Variants in ADGRL3 observed in about 807,000 individuals in gnomAD.
ADGRL3 encodes adhesion G protein-coupled receptor L3, also known as calcium-independent alpha-latrotoxin receptor 3.
ADGRL3 carries 62 observed loss-of-function variants against 153.5 expected under a neutral mutation model. The ratio of observed to expected loss-of-function variants is 0.40; its 90% CI spans 0.33 to 0.50. ADGRL3 has a LOEUF of 0.50. Among genes scored for constraint, ADGRL3 ranks in the 20% least tolerant of loss-of-function variants. The pLI is 0.47. For missense variants in ADGRL3, 1,641 were observed against 1,859.4 expected (o/e 0.88, Z 2.16); for synonymous variants, 710 against 672.5 (o/e 1.06, Z -0.86).
At chr4:61,949,688 C>G (rs1371094126) in intron 17 of ADGRL3, among the ~76,000 whole-genome samples, 1 of 151,786 alleles carries the variant, frequency 6.6e-6, no homozygotes, top group African/African-American at 2.4e-5. Context: ...GAGCAAGACT[C>G]TGTCTCAAAT....
intron 1 of ADGRL3, among the ~76,000 whole-genome samples, chr4:61,327,156 C>T (rs1560477677): frequency 1.3e-5 from 2 of 151,842 alleles, no homozygotes; most frequent in African/African-American, 4.8e-5. Flanking sequence ...TAAAAGAAGC[C>T]ACTAAGGTGC....
intron 5 of ADGRL3, among the ~76,000 whole-genome samples, chr4:61,659,982 C>T (rs1375312415): frequency 6.7e-6 from 1 of 149,258 alleles, no homozygotes; most frequent in Non-Finnish European, 1.5e-5. Context: ...AGGATATGGA[C>T]TGATTGGATA....
At chr4:61,765,890 A>G (rs974911253) in intron 8 of ADGRL3, among the ~76,000 whole-genome samples, 1 of 152,124 alleles carries the variant, frequency 6.6e-6, no homozygotes, top group Non-Finnish European at 1.5e-5. Context: ...CACTGAGCAG[A>G]ATAGCAGATG....
At chr4:61,898,031 C>T (rs2098641675) in intron 11 of ADGRL3, among the ~76,000 whole-genome samples, 1 of 152,022 alleles carries the variant, frequency 6.6e-6, no homozygotes, top group Non-Finnish European at 1.5e-5. Flanking sequence ...CCCCAGGTGG[C>T]CTTTCAGAAA....
chr4:61,477,085 T>A (rs546266798), intron 2 of ADGRL3, among the ~76,000 whole-genome samples: 20 of 152,240 alleles, frequency 1.3e-4, no homozygotes, highest in African/African-American at 4.3e-4. Flanking sequence ...ATACGTAATT[T>A]AAAAAAAGAT....
At chr4:61,258,032 C>T (rs2092155503) in intron 1 of ADGRL3, among the ~76,000 whole-genome samples, 1 of 152,122 alleles carries the variant, frequency 6.6e-6, no homozygotes, top group Non-Finnish European at 1.5e-5. Context: ...TAGCTACTAC[C>T]AGCCCCCATC....
chr4:61,839,465 G>A (rs1406329017), intron 9 of ADGRL3, among the ~76,000 whole-genome samples: 1 of 151,940 alleles, frequency 6.6e-6, no homozygotes, highest in Non-Finnish European at 1.5e-5. Context: ...CAAAGTGCTA[G>A]AATTTCAGGA....
chr4:61,513,278 A>C (rs1579273488), intron 3 of ADGRL3, among the ~76,000 whole-genome samples: 1 of 152,316 alleles, frequency 6.6e-6, no homozygotes, highest in Non-Finnish European at 1.5e-5. Flanking sequence ...AAAAAATTAT[A>C]AATCAGTATT....
chr4:61,522,846 CG>C (rs2098539070), intron 4 of ADGRL3, among the ~76,000 whole-genome samples: 1 of 152,070 alleles, frequency 6.6e-6, no homozygotes, highest in South Asian at 2.1e-4. Context: ...ATTTACCAGA[CG>C]AACATGCTTG....
chr4:61,685,702 C>A (rs1227024060), intron 6 of ADGRL3, among the ~76,000 whole-genome samples: 4 of 152,016 alleles, frequency 2.6e-5, no homozygotes, highest in Admixed American at 6.6e-5. Context: ...AGCTACTAAC[C>A]AGCAATTAGC....
intron 4 of ADGRL3, among the ~76,000 whole-genome samples, chr4:61,527,476 A>G (rs2098574163): frequency 6.6e-6 from 1 of 152,118 alleles, no homozygotes; most frequent in Admixed American, 6.5e-5. Context: ...TCTTTAATTG[A>G]CATATATACA....
At chr4:61,474,986 T>C (rs1174081811) in intron 2 of ADGRL3, among the ~76,000 whole-genome samples, 1 of 152,158 alleles carries the variant, frequency 6.6e-6, no homozygotes, top group African/African-American at 2.4e-5. Flanking sequence ...AAATGATTAA[T>C]CTCTCACCAA....
Position 61,217,449 on chromosome 4 carries a change from T to G in ADGRL3, c.-240+15684T>G, listed in dbSNP as rs1183649890. Among the ~76,000 whole-genome samples the G allele has an allele frequency of 9.7e-4, 147 of 152,164 alleles. 2 individuals are homozygous for G. Among genetic ancestry groups the G allele is most frequent in the Admixed American group, 9.5e-3 (145 of 15,272 alleles). The stretch of plus-strand genomic sequence containing the variant: ...TTCTGGTGGAGGAGGTTAATAGAGC[T>G]GAGTACAGAGAGGAAAACTGAACAT... On this transcript the variant is annotated intron_variant, in intron 1 of 26. Coordinates refer to ENST00000683033, the MANE Select transcript of ADGRL3 (RefSeq NM_001387552.1).
intron 2 of ADGRL3, among the ~76,000 whole-genome samples, chr4:61,443,716 A>T (rs2097550567): frequency 6.6e-6 from 1 of 152,160 alleles, no homozygotes; most frequent in Non-Finnish European, 1.5e-5. Flanking sequence ...CTCACTGAAA[A>T]ATCACTCATC....
chr4:61,636,168 C>G (rs2093414860), intron 5 of ADGRL3, among the ~76,000 whole-genome samples: 1 of 152,048 alleles, frequency 6.6e-6, no homozygotes. Context: ...ATACTTTTTG[C>G]TGTGTGTGAA....
chr4:61,480,706 C>T (rs1363663282), intron 2 of ADGRL3, among the ~76,000 whole-genome samples: 1 of 151,976 alleles, frequency 6.6e-6, no homozygotes, highest in African/African-American at 2.4e-5. Context: ...TCTCTTGAAC[C>T]CAGGAGGCAG....
intron 8 of ADGRL3, among the ~76,000 whole-genome samples, chr4:61,779,821 A>G (rs2097194226): frequency 1.3e-5 from 2 of 152,032 alleles, no homozygotes; most frequent in Non-Finnish European, 2.9e-5. Context: ...TGAATCTCCT[A>G]ATGACTAATT....
intron 6 of ADGRL3, among the ~76,000 whole-genome samples, chr4:61,699,009 A>G (rs1331995927): frequency 6.6e-6 from 1 of 152,212 alleles, no homozygotes; most frequent in Non-Finnish European, 1.5e-5. Flanking sequence ...TTCAGAATGT[A>G]ATCCTATCAG....
At chr4:61,404,198 CA>C in intron 2 of ADGRL3, among the ~76,000 whole-genome samples, 1 of 152,122 alleles carries the variant, frequency 6.6e-6, no homozygotes, top group South Asian at 2.1e-4. Context: ...TGTGTAATTG[CA>C]AACTGAAATA....
Sources: gnomAD v4.1 joint callset for allele counts (sites outside exome capture counted in the v4.1 genomes callset) on GRCh38, gnomAD v4.1.1 for gene constraint, MANE v1.5 for transcripts, NCBI Gene and HGNC (gene_info 2026-07-23, HGNC 2026-07-21) for gene names.